UBTD1: variants seen among roughly 807,000 people sequenced by gnomAD.
UBTD1 encodes ubiquitin domain-containing protein 1.
A neutral mutation model predicts 21.7 loss-of-function variants in UBTD1; 19 were observed. The observed-to-expected ratio is 0.87, with a 90% confidence interval of 0.61 to 1.28. The LOEUF (loss-of-function observed/expected upper bound fraction) is 1.28, where lower values mean the gene tolerates loss of function less well. Ranked by LOEUF, UBTD1 falls within the 50% of genes most tolerant of loss-of-function variation. UBTD1 has a pLI of 0.00. For missense variants in UBTD1, 282 were observed against 315.1 expected (o/e 0.89, Z 0.80); for synonymous variants, 116 against 135.1 (o/e 0.86, Z 0.98).
chr10:97,549,329 C>T (rs2040625565), intron 1 of UBTD1, among the ~76,000 whole-genome samples: 1 of 152,338 alleles, frequency 6.6e-6, no homozygotes, highest in East Asian at 1.9e-4. Context: ...CCTCTGTTCC[C>T]CCTTTGCAGG....
At chr10:97,500,509 G>GGA (rs1401291486) in intron 1 of UBTD1, among the ~76,000 whole-genome samples, 3 of 152,212 alleles carry the variant, frequency 2.0e-5, no homozygotes, top group Non-Finnish European at 4.4e-5. Flanking sequence ...TTCTGGCTGA[G>GGA]GAGAGATGAC....
chr10:97,555,099 T>A (rs1257062535), intron 1 of UBTD1, among the ~76,000 whole-genome samples: 1 of 152,112 alleles, frequency 6.6e-6, no homozygotes, highest in Non-Finnish European at 1.5e-5. Context: ...GAATTTAAAA[T>A]GCCATTGAAG....
chr10:97,510,694 A>G (rs2040419903), intron 1 of UBTD1, among the ~76,000 whole-genome samples: 1 of 152,190 alleles, frequency 6.6e-6, no homozygotes, highest in Admixed American at 6.5e-5. Flanking sequence ...TTCATGTGCA[A>G]AACCTGACTT....
intron 1 of UBTD1, among the ~76,000 whole-genome samples, chr10:97,510,620 A>G (rs886587681): frequency 3.9e-5 from 6 of 152,154 alleles, no homozygotes; most frequent in Non-Finnish European, 5.9e-5. Flanking sequence ...GCTTGATGCT[A>G]TATTATAGCC....
intron 1 of UBTD1, among the ~76,000 whole-genome samples, chr10:97,525,567 G>A (rs1214204441): frequency 1.3e-5 from 2 of 152,218 alleles, no homozygotes; most frequent in Non-Finnish European, 2.9e-5. Context: ...CCTAGTGGAA[G>A]TGAGTGAGAG....
At position 97,499,251 on chromosome 10, in the gene UBTD1, G is replaced by T. The variant is rs552742061; in HGVS notation, c.48G>T (p.Pro16=). The T allele has an allele frequency of 2.6e-6, 4 of 1,548,750 alleles. No individual in the cohort carries two copies. The South Asian group carries it at 4.8e-5, about 19-fold the overall frequency. The change falls in exon 1 of 3, where the codon CCG becomes CCT. Residue 16 remains proline, a synonymous_variant. Coordinates refer to ENST00000370664, the MANE Select transcript of UBTD1 (RefSeq NM_024954.5). The part of the protein sequence containing the change: ...GRQRRERPAA[P]GHPRKRAGRN... The stretch of plus-strand genomic sequence containing the variant: ...AGCGCCGGGAGAGGCCGGCAGCCCC[G>T]GGACACCCCCGCAAGCGAGCAGGTA...
At chr10:97,545,437 T>G (rs879431451) in intron 1 of UBTD1, among the ~76,000 whole-genome samples, 182 of 149,912 alleles carry the variant, frequency 1.2e-3, no homozygotes, top group Non-Finnish European at 2.2e-3. Context: ...TGTGGGTGTG[T>G]GTGTGTGTGT....
chr10:97,569,660 C>T (rs746612587), intron 2 of UBTD1, among the ~76,000 whole-genome samples: 17 of 152,146 alleles, frequency 1.1e-4, no homozygotes, highest in Non-Finnish European at 1.8e-4. Flanking sequence ...CTGGGAAATC[C>T]GGCATCATGG....
intron 1 of UBTD1, among the ~76,000 whole-genome samples, chr10:97,500,985 C>T (rs971790058): frequency 1.2e-4 from 18 of 152,316 alleles, no homozygotes; most frequent in Non-Finnish European, 1.3e-4. Flanking sequence ...TTATGTTCTT[C>T]CAGCTGCCTA....
chr10:97,537,800 G>C (rs1184783094), intron 1 of UBTD1, among the ~76,000 whole-genome samples: 1 of 149,980 alleles, frequency 6.7e-6, no homozygotes, highest in East Asian at 1.9e-4. Context: ...TTCAGGGTGT[G>C]TGCTTGTAAC....
At chr10:97,538,642 A>G (rs1464535098) in intron 1 of UBTD1, among the ~76,000 whole-genome samples, 1 of 152,200 alleles carries the variant, frequency 6.6e-6, no homozygotes, top group Non-Finnish European at 1.5e-5. Context: ...TGAACATTTT[A>G]TGAATGATTG....
rs58107697 is a variant in UBTD1 at position 97,516,503 on chromosome 10, C to G, written c.70+17230C>G. On this transcript the variant is annotated intron_variant, in intron 1 of 2. Transcript: ENST00000370664. ...AGAAATCCATCTCCTCGGCCGGGCA[C>G]GGTGGCTCATGCCTGTAATCCCAGC... is the stretch of plus-strand genomic sequence containing the variant. Among the ~76,000 whole-genome samples, 1,003 of 152,236 alleles carry G rather than the reference C, an allele frequency of 6.6e-3. 11 individuals carry two copies. The highest frequency in any genetic ancestry group is 0.054 in the Middle Eastern group (16 of 294).
Position 97,569,103 on chromosome 10 carries a change from G to C in UBTD1, c.298+962G>C, listed in dbSNP as rs1028289034. On this transcript the variant is annotated intron_variant, in intron 2 of 2. Coordinates refer to ENST00000370664, the MANE Select transcript of UBTD1 (RefSeq NM_024954.5). ...CTCCCGAAGTGCTGGGATTACAGGCGTGAGCCACTGCGCCTGGCCACAGAC... is the reference window on the plus strand; with the variant it reads ...CTCCCGAAGTGCTGGGATTACAGGCCTGAGCCACTGCGCCTGGCCACAGAC... Among the ~76,000 whole-genome samples, 4 of 152,248 alleles carry C rather than the reference G, an allele frequency of 2.6e-5. No homozygotes were observed. The East Asian group carries it at 7.7e-4, about 29-fold the overall frequency.
In UBTD1 at chr10:97,570,325, GC is replaced by G; in HGVS notation, c.487del (p.Leu163SerfsTer185). ...VRLSTGKDVR[L>X]SASLPDTVGQ... The stretch of plus-strand genomic sequence containing the variant: ...GCCTGTCCACGGGCAAGGACGTGAG[GC>G]TCAGCGCCAGCCTGCCCGACACAGT... On this transcript the variant is annotated frameshift_variant, in exon 3 of 3. Transcript: ENST00000370664. LOFTEE classifies it high-confidence loss of function. The surrounding 1 kb of genome is among the most constrained non-coding windows in gnomAD (Gnocchi z 6.6). The G allele has an allele frequency of 6.2e-7, 1 of 1,613,144 alleles. No homozygotes were observed. Among genetic ancestry groups the G allele is most frequent in the Non-Finnish European group, 8.5e-7 (1 of 1,179,912 alleles).
intron 1 of UBTD1, among the ~76,000 whole-genome samples, chr10:97,546,839 CTGGTGGTGGAG>C (rs2040613221): frequency 6.6e-6 from 1 of 152,194 alleles, no homozygotes; most frequent in South Asian, 2.1e-4. Flanking sequence ...TCAGCTTCCA[CTGGTGGTGGAG>C]TAGTTTGGCA....
At chr10:97,548,650 G>A (rs751359610) in intron 1 of UBTD1, among the ~76,000 whole-genome samples, 3 of 152,160 alleles carry the variant, frequency 2.0e-5, no homozygotes, top group Admixed American at 6.5e-5. Context: ...GGTGGCACAC[G>A]CCTGTAATCC....
chr10:97,545,337 T>TC (rs2040604637), intron 1 of UBTD1, among the ~76,000 whole-genome samples: 2 of 78,366 alleles, frequency 2.6e-5, no homozygotes, highest in Non-Finnish European at 7.0e-5. Context: ...AGACTCCGTC[T>TC]CAAAAAAAAA....
chr10:97,536,010 G>A (rs1427715588), intron 1 of UBTD1, among the ~76,000 whole-genome samples: 3 of 17,702 alleles, frequency 1.7e-4, no homozygotes. Context: ...TTATTATTTC[G>A]AGACAGAATT....
intron 1 of UBTD1, among the ~76,000 whole-genome samples, chr10:97,562,987 G>A (rs1589884283): frequency 1.3e-5 from 2 of 152,268 alleles, no homozygotes; most frequent in Admixed American, 6.5e-5. Flanking sequence ...TAGGGGCGGC[G>A]TGGGAACCTA....
Sources: allele counts gnomAD v4.1 joint callset (sites outside exome capture counted in the v4.1 genomes callset), GRCh38; gene constraint gnomAD v4.1.1; non-coding constraint Gnocchi (gnomAD v3.1); transcripts MANE v1.5; gene names NCBI Gene and HGNC (gene_info 2026-07-23, HGNC 2026-07-21).